The following NEIL3 variants were observed in gnomAD, a reference collection of about 807,000 sequenced individuals.
NEIL3 encodes endonuclease 8-like 3.
In NEIL3, 48 loss-of-function variants were observed where a neutral mutation model predicts 57.5. The observed-to-expected ratio is 0.83, with a 90% CI of 0.66 to 1.06. NEIL3 has a LOEUF of 1.06. NEIL3 is among the 50% of genes least tolerant of loss of function. The probability of loss-of-function intolerance (pLI) is 0.00; values close to 1 mark genes in which losing one functional copy is unlikely to be tolerated. For missense variants in NEIL3, 717 were observed against 739.1 expected (o/e 0.97, Z 0.35); for synonymous variants, 261 against 253.2 (o/e 1.03, Z -0.29).
At position 177,351,521 on chromosome 4, in the gene NEIL3, T is replaced by A. The variant is rs1257707638; in HGVS notation, c.1011T>A (p.Cys337Ter). 6.2e-7 allele frequency: 1 copy of A among 1,613,554 alleles called. No individual in the cohort carries two copies. Among genetic ancestry groups the A allele is most frequent in the South Asian group, 1.1e-5 (1 of 90,868 alleles). ...TLINKPSSKA[C>*]DACLTSRPID... ...TCAATAAGCCCTCTTCTAAGGCATG[T>A]GATGCTTGCTTGACCTCAAGGCCTA... Residue 337 changes from cysteine (C) to a stop codon, truncating the protein, a stop_gained, in exon 7 of 10, where the codon TGT becomes TGA. Transcript: ENST00000264596. LOFTEE classifies it high-confidence loss of function.
chr4:177,370,181 CT>C, the NEIL3 span, among the ~76,000 whole-genome samples: 1 of 152,152 alleles, frequency 6.6e-6, no homozygotes, highest in African/African-American at 2.4e-5. Context: ...CATGAAAGAA[CT>C]CATAAAAGTC....
chr4:177,337,230 G>A (rs1256597743), intron 4 of NEIL3, among the ~76,000 whole-genome samples: 1 of 152,122 alleles, frequency 6.6e-6, no homozygotes, highest in African/African-American at 2.4e-5. Flanking sequence ...AGTTTCTAGG[G>A]AAGACCTCTA....
intron 6 of NEIL3, among the ~76,000 whole-genome samples, chr4:177,348,167 C>T (rs866089165): frequency 8.5e-5 from 13 of 152,296 alleles, no homozygotes; most frequent in Middle Eastern, 3.4e-3. Context: ...ACACAGATTG[C>T]CGGGCCCCAC....
intron 9 of NEIL3, among the ~76,000 whole-genome samples, chr4:177,361,154 G>T (rs1461304292): frequency 6.6e-6 from 1 of 152,184 alleles, no homozygotes; most frequent in African/African-American, 2.4e-5. Flanking sequence ...CCAAAAAAGT[G>T]ATGGCACCAT....
At chr4:177,352,091 A>C (rs1332207721) in intron 7 of NEIL3, among the ~76,000 whole-genome samples, 1 of 152,240 alleles carries the variant, frequency 6.6e-6, no homozygotes, top group African/African-American at 2.4e-5. Context: ...TAGGGCATGT[A>C]AAACCTCAGA....
chr4:177,332,513 C>A (rs1734902076), intron 2 of NEIL3, among the ~76,000 whole-genome samples: 1 of 152,048 alleles, frequency 6.6e-6, no homozygotes, highest in Admixed American at 6.6e-5. Flanking sequence ...CTCCCTTGGC[C>A]CCAGCAGCTT....
intron 8 of NEIL3, among the ~76,000 whole-genome samples, chr4:177,355,696 G>C (rs1560921897): frequency 6.6e-6 from 1 of 152,038 alleles, no homozygotes; most frequent in Non-Finnish European, 1.5e-5. Context: ...TCTCAGCGGT[G>C]GGGTGAGGGA....
chr4:177,340,032 G>T (rs774126257), intron 5 of NEIL3, among the ~76,000 whole-genome samples, 175 bp downstream of exon 5: 1 of 152,108 alleles, frequency 6.6e-6, no homozygotes, highest in Non-Finnish European at 1.5e-5. Flanking sequence ...CTAGGTCATA[G>T]GTCAGTTCAA....
chr4:177,315,038 G>C lies in NEIL3; in HGVS notation c.156+4929G>C, dbSNP rs530894070. ...GAGCCGAGATCGCGCCACTGCACTC[G>C]AGCCTGGGCAACAGAGCGAGACTCC... is the stretch of plus-strand genomic sequence containing the variant. On this transcript the variant is annotated intron_variant, in intron 1 of 9. Transcript: ENST00000264596. Among the ~76,000 whole-genome samples the C allele has an allele frequency of 5.6e-4, 80 of 142,576 alleles. 1 individual carries two copies. The highest frequency in any genetic ancestry group is 7.5e-4 in the Non-Finnish European group (50 of 66,600). The allele number at this position is 142,576 out of a possible 152,430, so 93.5% of individuals were successfully genotyped here.
rs1456375820 is a variant in NEIL3 at position 177,349,052 on chromosome 4, T to G, written c.870-2328T>G. 2.7e-4 allele frequency among the ~76,000 whole-genome samples: 39 copies of G among 145,056 alleles called. No individual in the cohort carries two copies. In the South Asian group the frequency reaches 4.3e-3, roughly 16 times the overall value. Reference sequence around the variant, plus strand: ...CTGGCTAATTTTTTTTTTTTTTTTTTTTTGTATTTTTAGTAGAGACGGGGT... The same window carrying G: ...CTGGCTAATTTTTTTTTTTTTTTTTGTTTGTATTTTTAGTAGAGACGGGGT... On this transcript the variant is annotated intron_variant, in intron 6 of 9. Coordinates refer to ENST00000264596, the MANE Select transcript of NEIL3 (RefSeq NM_018248.3).
intron 4 of NEIL3, 25 bp downstream of exon 4, chr4:177,336,346 T>C (rs1453898723): frequency 6.3e-7 from 1 of 1,595,404 alleles, no homozygotes; most frequent in South Asian, 1.1e-5. Flanking sequence ...TTTTTTTAAT[T>C]ATCTGTTGAT....
the NEIL3 span, among the ~76,000 whole-genome samples, chr4:177,371,259 C>T: frequency 6.6e-6 from 1 of 152,158 alleles, no homozygotes; most frequent in Non-Finnish European, 1.5e-5. Flanking sequence ...AAATACTTGC[C>T]TGCTTGTAAT....
the NEIL3 span, among the ~76,000 whole-genome samples, chr4:177,368,664 C>T: frequency 6.6e-6 from 1 of 152,146 alleles, no homozygotes; most frequent in African/African-American, 2.4e-5. Flanking sequence ...AATATAATGT[C>T]AGTCTATTGA....
In NEIL3 at chr4:177,362,910, AAAT is replaced by A. The variant is rs1735639216; in HGVS notation, c.*445_*447del. ...GATTAAAGATATTTCTTGTTTTATT[AAAT>A]AATAAGAAATAAGATCTCCTTTATG... On this transcript the variant is annotated 3_prime_UTR_variant, in exon 10 of 10. Coordinates refer to ENST00000264596, the MANE Select transcript of NEIL3 (RefSeq NM_018248.3). 6.6e-6 allele frequency: 1 copy of A among 152,196 alleles called. No homozygotes were observed. The highest frequency in any genetic ancestry group is 1.5e-5 in the Non-Finnish European group (1 of 68,052). The allele number at this position is 152,196 out of a possible 1,614,324, so 9.4% of individuals were successfully genotyped here.
intron 1 of NEIL3, among the ~76,000 whole-genome samples, chr4:177,320,666 A>AG (rs1032096354): frequency 6.6e-5 from 10 of 150,470 alleles, no homozygotes; most frequent in Non-Finnish European, 1.2e-4. Flanking sequence ...TTTTTAGTAG[A>AG]GACAGGGTTT....
At chr4:177,341,676 C>T (rs748818422) in intron 6 of NEIL3, 34 bp downstream of exon 6, 2 of 1,566,158 alleles carry the variant, frequency 1.3e-6, no homozygotes, top group South Asian at 2.3e-5. Flanking sequence ...TACCATTTGC[C>T]CTAACCATCT....
chr4:177,314,002 A>G (rs899617902), intron 1 of NEIL3, among the ~76,000 whole-genome samples: 17 of 152,194 alleles, frequency 1.1e-4, no homozygotes, highest in East Asian at 5.8e-4. Flanking sequence ...AAAGTGGGGG[A>G]AAAAAATCGT....
rs537022820 is a variant in NEIL3, at chr4:177,358,291, T to C, written c.1461-2212T>C. Among the ~76,000 whole-genome samples the C allele has an allele frequency of 3.3e-5, 5 of 152,118 alleles. No homozygotes were observed. In the South Asian group the frequency reaches 1.0e-3, roughly 32 times the overall value. On this transcript the variant is annotated intron_variant, in intron 8 of 9. Transcript: ENST00000264596. ...CCAAGAATAAGATCACACGTGGCTA[T>C]GTTTTTGTTGTTGTTTTTTGTTTTT...
At chr4:177,344,428 A>T (rs1038602772) in intron 6 of NEIL3, among the ~76,000 whole-genome samples, 1 of 152,152 alleles carries the variant, frequency 6.6e-6, no homozygotes, top group Non-Finnish European at 1.5e-5. Context: ...GGCCACTACC[A>T]ATTATCTAAA....
Sources: allele counts gnomAD v4.1 joint callset (sites outside exome capture counted in the v4.1 genomes callset), GRCh38; gene constraint gnomAD v4.1.1; transcripts MANE v1.5; gene names NCBI Gene and HGNC (gene_info 2026-07-23, HGNC 2026-07-21).